The following BCLAF3 variants were observed in gnomAD, a reference collection of about 807,000 sequenced individuals.
BCLAF3 encodes BCLAF1 and THRAP3 family member 3.
In BCLAF3, 24 loss-of-function variants were observed where a neutral mutation model predicts 51.2. That is an observed-to-expected ratio of 0.47 (90% confidence interval 0.34 to 0.66). The LOEUF is 0.66. Among genes scored for constraint, BCLAF3 ranks in the 30% least tolerant of loss-of-function variants. The probability of loss-of-function intolerance (pLI) is 0.01; values close to 1 mark genes in which losing one functional copy is unlikely to be tolerated. For missense variants in BCLAF3, 465 were observed against 525.1 expected, an observed-to-expected ratio of 0.89 and a Z score of 1.12; for synonymous variants, 152 against 176.6, an observed-to-expected ratio of 0.86 and a Z score of 1.10.
intron 8 of BCLAF3, among the ~76,000 whole-genome samples, chrX:19,947,281 G>C (rs1209596567): frequency 8.9e-6 from 1 of 111,988 alleles, no homozygotes; most frequent in Non-Finnish European, 1.9e-5. Flanking sequence ...AGAAATTCTT[G>C]GCAGTTTGAT....
intron 4 of BCLAF3, among the ~76,000 whole-genome samples, chrX:19,962,121 T>A (rs956348568): frequency 8.9e-6 from 1 of 112,645 alleles, no homozygotes; most frequent in Non-Finnish European, 1.9e-5. Flanking sequence ...TACAATTTTT[T>A]AATTCTCTTT....
At chrX:19,988,807 A>G (rs750636738) in intron 1 of BCLAF3, among the ~76,000 whole-genome samples, 55 of 111,735 alleles carry the variant, frequency 4.9e-4, no homozygotes, top group Middle Eastern at 4.6e-3. Flanking sequence ...ATAATCAGAT[A>G]TACTGGATTT....
chrX:19,984,169 A>G (rs1330313471), intron 1 of BCLAF3, among the ~76,000 whole-genome samples: 3 of 110,090 alleles, frequency 2.7e-5, no homozygotes, highest in Non-Finnish European at 5.7e-5. Flanking sequence ...TGACACAAAA[A>G]GACACTTTTT....
At chrX:19,961,488 C>A (rs5909347) in intron 4 of BCLAF3, among the ~76,000 whole-genome samples, 6,408 of 111,584 alleles carry the variant, frequency 0.057, 229 homozygotes, top group Middle Eastern at 0.13. Flanking sequence ...AATAAATGCA[C>A]AAAATTAGCC....
chrX:19,982,869 A>T, intron 1 of BCLAF3, among the ~76,000 whole-genome samples: 1 of 110,923 alleles, frequency 9.0e-6, no homozygotes, highest in Non-Finnish European at 1.9e-5. Context: ...TATTACAATA[A>T]AAATTTTCAA....
At chrX:19,928,203 C>T (rs1344920558) in intron 11 of BCLAF3, among the ~76,000 whole-genome samples, 3 of 110,123 alleles carry the variant, frequency 2.7e-5, no homozygotes, top group Non-Finnish European at 3.8e-5. Context: ...TTTTCAAATA[C>T]TAACATGGTT....
At chrX:19,937,657 A>G (rs775946204) in intron 8 of BCLAF3, 125 bp from the exon 9 acceptor site, 250 of 409,470 alleles carry the variant, frequency 6.1e-4, no homozygotes, top group Non-Finnish European at 9.2e-4. Flanking sequence ...TGAAATCTCA[A>G]TGATCTATCA....
chrX:19,984,556 C>T (rs976860431), intron 1 of BCLAF3, among the ~76,000 whole-genome samples: 3 of 111,248 alleles, frequency 2.7e-5, no homozygotes, highest in African/African-American at 9.8e-5. Flanking sequence ...ATATTACAAA[C>T]AATATGTCTG....
At position 19,935,467 on chromosome X, in the gene BCLAF3, G is replaced by C. The variant is rs145430660; in HGVS notation, c.1950+342C>G. The C allele has an allele frequency of 2.7e-3, 448 of 166,544 alleles. 2 individuals carry two copies. Among genetic ancestry groups the C allele is most frequent in the African/African-American group, 0.013 (410 of 32,666 alleles). The allele number at this position is 166,544 out of a possible 1,213,427, so 13.7% of individuals were successfully genotyped here. On this transcript the variant is annotated intron_variant, in intron 10 of 11. Transcript: ENST00000379682. ...GAGAAAGCTCTACAGCTCTGCACGT[G>C]TATCTTAGAGGTAAAGGTGCTGGCT...
Position 19,937,515 on chromosome X carries a change from C to G in BCLAF3, c.1763G>C (p.Ser588Thr). ...SAAERDDQNS[S>T]FSKVKNVHTD... ...ATGAACATTCTTTACCTTTGAAAAA[C>G]TGGAATTCTGATCATCCCTAATAAG... is the stretch of plus-strand genomic sequence containing the variant. The change falls in exon 9 of 12, where the codon AGT becomes ACT. Residue 588 changes from serine to threonine, a missense_variant. Physicochemically the swap from Ser to Thr is moderately conservative, Grantham distance 58. Coordinates refer to ENST00000379682, the MANE Select transcript of BCLAF3 (RefSeq NM_001367774.2). The G allele has an allele frequency of 9.1e-7, 1 of 1,101,488 alleles. No homozygotes were observed. The highest frequency in any genetic ancestry group is 1.2e-6 in the Non-Finnish European group (1 of 809,694). 90.8% of individuals were successfully genotyped at this position (1,101,488 alleles called of 1,213,427 possible).
At position 19,961,385 on chromosome X, in the gene BCLAF3, C is replaced by A. The variant is rs183756548; in HGVS notation, c.1274+3659G>T. Among the ~76,000 whole-genome samples the A allele has an allele frequency of 5.4e-5, 6 of 112,052 alleles. No individual in the cohort carries two copies. In the Admixed American group the frequency reaches 5.7e-4, roughly 11 times the overall value. ...TACCTACTGCTGTTCTAGATACAAA[C>A]TAGAATCTAAAAAAATCACAGTGAT... On this transcript the variant is annotated intron_variant, in intron 4 of 11. Coordinates refer to ENST00000379682, the MANE Select transcript of BCLAF3 (RefSeq NM_001367774.2).
Position 19,965,183 on chromosome X carries a change from A to C in BCLAF3, c.1135T>G (p.Cys379Gly). 1 of 1,205,177 alleles carries C rather than the reference A, an allele frequency of 8.3e-7. No individual in the cohort carries two copies. ...CTGGAAGAATTGCTCTCTTTTCTAC[A>C]ATCCCCTTCTTTCTTTATTTTTTCC... ...WKEKIKKEGD[C>G]RKESNSSSNQ... The change falls in exon 4 of 12, where the codon TGT becomes GGT. Residue 379 changes from cysteine to glycine, a missense_variant. Transcript: ENST00000379682.
chrX:19,960,829 TA>T (rs1297713546), intron 4 of BCLAF3, among the ~76,000 whole-genome samples: 2 of 111,829 alleles, frequency 1.8e-5, no homozygotes, highest in African/African-American at 6.5e-5. Flanking sequence ...AAAGAGCTGA[TA>T]GGGGTAGAGA....
intron 2 of BCLAF3, among the ~76,000 whole-genome samples, chrX:19,967,383 T>C (rs1183493905): frequency 1.8e-5 from 2 of 112,024 alleles, no homozygotes; most frequent in Non-Finnish European, 3.8e-5. Context: ...TATGGAAAGA[T>C]GTGCTGTTCG....
intron 11 of BCLAF3, among the ~76,000 whole-genome samples, chrX:19,917,610 G>A (rs941845932): frequency 9.0e-6 from 1 of 111,710 alleles, no homozygotes; most frequent in Non-Finnish European, 1.9e-5. Flanking sequence ...CTGCTATTTG[G>A]GTGAGTTTCA....
chrX:19,940,774 G>C (rs1384159963), intron 8 of BCLAF3, among the ~76,000 whole-genome samples: 3 of 110,653 alleles, frequency 2.7e-5, no homozygotes, highest in Non-Finnish European at 5.7e-5. Context: ...ATAGTCCTTT[G>C]GGTATATACC....
At chrX:19,978,375 T>G (rs1213011926) in intron 1 of BCLAF3, among the ~76,000 whole-genome samples, 2 of 111,438 alleles carry the variant, frequency 1.8e-5, no homozygotes, top group Non-Finnish European at 3.8e-5. Flanking sequence ...AGAAGTTGAT[T>G]CCAACTCTCA....
chrX:19,984,560 A>G (rs2072732811), intron 1 of BCLAF3, among the ~76,000 whole-genome samples: 1 of 111,724 alleles, frequency 9.0e-6, no homozygotes, highest in African/African-American at 3.3e-5. Flanking sequence ...TACAAACAAT[A>G]TGTCTGATTA....
At chrX:19,934,538 A>C (rs979291792) in intron 10 of BCLAF3, among the ~76,000 whole-genome samples, 3 of 112,685 alleles carry the variant, frequency 2.7e-5, no homozygotes, top group Non-Finnish European at 5.6e-5. Context: ...TTGGCTAAAA[A>C]TGTAATCTAT....
Sources: gnomAD v4.1 joint callset for allele counts (sites outside exome capture counted in the v4.1 genomes callset) on GRCh38, gnomAD v4.1.1 for gene constraint, MANE v1.5 for transcripts, NCBI Gene and HGNC (gene_info 2026-07-23, HGNC 2026-07-21) for gene names.